Variants in CDH12 observed in about 807,000 individuals in gnomAD.
The protein encoded by CDH12 is cadherin-12.
A neutral mutation model predicts 74.1 loss-of-function variants in CDH12; 41 were observed. The observed-to-expected ratio is 0.55, with a 90% confidence interval of 0.43 to 0.72. CDH12 has a LOEUF of 0.72. Ranked by LOEUF, CDH12 falls within the 30% of genes least tolerant of loss-of-function variation. The pLI, the probability that CDH12 is intolerant of heterozygous loss-of-function variation, is 0.00. For missense variants in CDH12, 945 were observed against 977.2 expected (o/e 0.97, Z 0.44); for synonymous variants, 399 against 355.0 (o/e 1.12, Z -1.39).
intron 1 of CDH12, among the ~76,000 whole-genome samples, chr5:22,809,098 AC>A (rs1748981689): frequency 6.6e-6 from 1 of 151,976 alleles, no homozygotes; most frequent in Non-Finnish European, 1.5e-5. Context: ...AAAAAAAAAA[AC>A]TGTGTAATAA....
At chr5:22,434,633 C>A (rs1744306239) in intron 2 of CDH12, among the ~76,000 whole-genome samples, 1 of 152,146 alleles carries the variant, frequency 6.6e-6, no homozygotes, top group South Asian at 2.1e-4. Flanking sequence ...ATCATATTAA[C>A]CATGCACAAT....
At chr5:22,074,302 A>G (rs1364096484) in intron 5 of CDH12, among the ~76,000 whole-genome samples, 3 of 152,202 alleles carry the variant, frequency 2.0e-5, no homozygotes, top group African/African-American at 7.2e-5. Context: ...CACCTTATAC[A>G]AAAGTTAATT....
At chr5:22,814,197 C>A (rs893503967) in intron 1 of CDH12, among the ~76,000 whole-genome samples, 44 of 152,094 alleles carry the variant, frequency 2.9e-4, no homozygotes, top group African/African-American at 9.9e-4. Context: ...ATTATAAATG[C>A]TTGGCCCACA....
At chr5:21,971,263 T>C (rs1393442098) in intron 6 of CDH12, among the ~76,000 whole-genome samples, 1 of 152,128 alleles carries the variant, frequency 6.6e-6, no homozygotes, top group Non-Finnish European at 1.5e-5. Context: ...CAAAATGGTA[T>C]ATTAAATTCT....
chr5:22,053,631 C>T (rs1444480458), intron 5 of CDH12, among the ~76,000 whole-genome samples: 2 of 152,014 alleles, frequency 1.3e-5, no homozygotes, highest in Non-Finnish European at 2.9e-5. Flanking sequence ...ATTTTCTTAT[C>T]TTTATCAGGC....
intron 2 of CDH12, among the ~76,000 whole-genome samples, chr5:22,483,549 A>G (rs1246504701): frequency 6.6e-6 from 1 of 150,434 alleles, no homozygotes; most frequent in African/African-American, 2.5e-5. Flanking sequence ...GTGATGGAAG[A>G]CCCTATGACA....
chr5:22,510,896 T>G (rs948505726), intron 1 of CDH12, among the ~76,000 whole-genome samples: 4 of 126,784 alleles, frequency 3.2e-5, no homozygotes, highest in African/African-American at 1.2e-4. Context: ...CATATATAAT[T>G]TTTTTTTTTT....
At chr5:21,925,646 G>A (rs1414590638) in intron 6 of CDH12, among the ~76,000 whole-genome samples, 2 of 151,934 alleles carry the variant, frequency 1.3e-5, no homozygotes, top group Non-Finnish European at 2.9e-5. Context: ...TTTTCATTTT[G>A]CTCTTTCTGT....
chr5:22,142,877 G>T (rs974025518), intron 4 of CDH12: 9 of 238,536 alleles, frequency 3.8e-5, no homozygotes, highest in African/African-American at 2.1e-4. Flanking sequence ...GCTGGGAAGA[G>T]TCTACCAATC....
chr5:22,693,636 A>G (rs1163444097), intron 1 of CDH12, among the ~76,000 whole-genome samples: 4 of 152,164 alleles, frequency 2.6e-5, no homozygotes, highest in Non-Finnish European at 5.9e-5. Flanking sequence ...AACATTGTTT[A>G]CAGAGATAAT....
At chr5:22,512,226 A>C (rs1204143540) in intron 1 of CDH12, among the ~76,000 whole-genome samples, 1 of 152,214 alleles carries the variant, frequency 6.6e-6, no homozygotes, top group East Asian at 1.9e-4. Flanking sequence ...GAAGGCTGTT[A>C]GCTTACAAAG....
chr5:22,464,768 C>G (rs1745656811), intron 2 of CDH12, among the ~76,000 whole-genome samples: 1 of 151,884 alleles, frequency 6.6e-6, no homozygotes, highest in Non-Finnish European at 1.5e-5. Context: ...TTGGGAAGCC[C>G]ATGGAGGCAG....
At chr5:22,471,261 T>G (rs1229821114) in intron 2 of CDH12, among the ~76,000 whole-genome samples, 1 of 152,162 alleles carries the variant, frequency 6.6e-6, no homozygotes, top group South Asian at 2.1e-4. Flanking sequence ...ATCGACAAGC[T>G]CTCTGCAGGT....
intron 1 of CDH12, among the ~76,000 whole-genome samples, chr5:22,645,724 T>C (rs1456924269): frequency 6.6e-6 from 1 of 152,016 alleles, no homozygotes; most frequent in Non-Finnish European, 1.5e-5. Flanking sequence ...TATTGTTTTC[T>C]TATTTTAACA....
At chr5:22,785,726 A>C (rs1327845828) in intron 1 of CDH12, among the ~76,000 whole-genome samples, 1 of 151,990 alleles carries the variant, frequency 6.6e-6, no homozygotes, top group Non-Finnish European at 1.5e-5. Context: ...CCATGTTGCC[A>C]AGGCTGGTTT....
intron 2 of CDH12, among the ~76,000 whole-genome samples, chr5:22,502,783 T>A (rs1051477147): frequency 6.6e-6 from 1 of 152,064 alleles, no homozygotes; most frequent in African/African-American, 2.4e-5. Flanking sequence ...AGACATATTT[T>A]TCATTTCATT....
At chr5:22,493,074 C>A (rs994504520) in intron 2 of CDH12, among the ~76,000 whole-genome samples, 2 of 152,148 alleles carry the variant, frequency 1.3e-5, no homozygotes, top group African/African-American at 4.8e-5. Flanking sequence ...CTGGGTGTCC[C>A]CTCTACTCGT....
chr5:22,787,272 C>T (rs78968479), intron 1 of CDH12, among the ~76,000 whole-genome samples: 3,842 of 152,142 alleles, frequency 0.025, 152 homozygotes, highest in African/African-American at 0.087. Context: ...AACATTCTGT[C>T]CTAATTAATT....
chr5:22,525,352 A>G (rs1032854330), intron 1 of CDH12, among the ~76,000 whole-genome samples: 5 of 152,202 alleles, frequency 3.3e-5, no homozygotes, highest in Admixed American at 3.3e-4. Flanking sequence ...AGTTACACTC[A>G]GTAGAATGGG....
Sources: gnomAD v4.1 joint callset for allele counts (sites outside exome capture counted in the v4.1 genomes callset) on GRCh38, gnomAD v4.1.1 for gene constraint, MANE v1.5 for transcripts, NCBI Gene and HGNC (gene_info 2026-07-23, HGNC 2026-07-21) for gene names.